MCCC2: variants seen among roughly 807,000 people sequenced by gnomAD.
The protein encoded by MCCC2 is methylcrotonoyl-CoA carboxylase beta chain, mitochondrial.
MCCC2 carries 52 observed loss-of-function variants against 77.2 expected under a neutral mutation model. The observed-to-expected ratio is 0.67, with a 90% CI of 0.54 to 0.85. The LOEUF is 0.85. Among genes scored for constraint, MCCC2 ranks in the 40% least tolerant of loss-of-function variants. The pLI is 0.00. For missense variants in MCCC2, 682 were observed against 703.2 expected, an observed-to-expected ratio of 0.97 and a Z score of 0.34; for synonymous variants, 253 against 248.4, an observed-to-expected ratio of 1.02 and a Z score of -0.18.
At chr5:71,602,397 G>GT (rs1452954048) in intron 4 of MCCC2, 109 bp from the exon 5 acceptor site, 33 of 1,356,888 alleles carry the variant, frequency 2.4e-5, no homozygotes, top group Non-Finnish European at 3.3e-5. Flanking sequence ...GATGTTAATA[G>GT]TGATACGTAC....
chr5:71,636,026 A>C, intron 10 of MCCC2: 1 of 275,242 alleles, frequency 3.6e-6, no homozygotes, highest in Non-Finnish European at 7.4e-6. Context: ...ATTTTTATGT[A>C]GTTGAGATAG....
intron 8 of MCCC2, among the ~76,000 whole-genome samples, chr5:71,633,232 G>C (rs1227488386): frequency 6.6e-6 from 1 of 150,614 alleles, no homozygotes; most frequent in African/African-American, 2.4e-5. Context: ...CCGAAGTGCT[G>C]GGATTACAGG....
rs760521639 is a variant in MCCC2 at position 71,656,826 on chromosome 5, T to C, written c.1658T>C (p.Ile553Thr). 10 of 1,614,092 alleles carry C rather than the reference T, an allele frequency of 6.2e-6. No homozygotes were observed. The highest frequency in any genetic ancestry group is 7.6e-6 in the Non-Finnish European group (9 of 1,179,926). Residue 553 changes from isoleucine (I) to threonine (T), a missense_variant, in exon 17 of 17, where the codon ATA becomes ACA. Coordinates refer to ENST00000340941, the MANE Select transcript of MCCC2 (RefSeq NM_022132.5). Reference protein sequence around the residue: ...LSFSAALNAPIEKTDFGIFRM With the variant: ...LSFSAALNAPTEKTDFGIFRM ...TTTAGTGCAGCCCTCAACGCACCAA[T>C]AGAGAAGACTGACTTCGGTATCTTC...
intron 6 of MCCC2, among the ~76,000 whole-genome samples, chr5:71,605,931 T>A (rs1198549608): frequency 1.3e-5 from 2 of 152,216 alleles, no homozygotes; most frequent in Non-Finnish European, 2.9e-5. Flanking sequence ...TCCATTGATC[T>A]ATATCTCTGT....
intron 1 of MCCC2, 86 bp from the exon 2 acceptor site, chr5:71,592,840 T>TTG: frequency 1.5e-6 from 1 of 661,194 alleles, no homozygotes; most frequent in Non-Finnish European, 2.3e-6. Context: ...AGACCACTGT[T>TTG]TTTTTTTTTT....
In MCCC2 at chr5:71,656,599, G is replaced by A. The variant is rs1376040671; in HGVS notation, c.1575-144G>A. The A allele has an allele frequency of 4.0e-6, 3 of 756,516 alleles. No homozygotes were observed. In the Admixed American group the frequency reaches 5.3e-5, roughly 13 times the overall value. 46.9% of individuals were successfully genotyped at this position (756,516 alleles called of 1,614,324 possible). ...CCCCTCTGTCTTGAACGTAGTTTCT[G>A]TTGTGAGATTATGGTACATGGATGC... On this transcript the variant is annotated intron_variant, in intron 16 of 16. Coordinates refer to ENST00000340941, the MANE Select transcript of MCCC2 (RefSeq NM_022132.5).
At position 71,658,027 on chromosome 5, in the gene MCCC2, A is replaced by T. The variant is rs1214311063; in HGVS notation, c.*1167A>T. The T allele has an allele frequency of 6.6e-6, 1 of 152,118 alleles. No homozygotes were observed. The highest frequency in any genetic ancestry group is 1.5e-5 in the Non-Finnish European group (1 of 68,048). The allele number at this position is 152,118 out of a possible 1,614,324, so 9.4% of individuals were successfully genotyped here. The stretch of plus-strand genomic sequence containing the variant: ...CTATCGCAGGCCTTAGAAGAGGTCT[A>T]CCTGCCTCCAGTCTTACCTAGTCCA... On this transcript the variant is annotated 3_prime_UTR_variant, in exon 17 of 17. Transcript: ENST00000340941.
At chr5:71,625,226 T>C (rs1445011300) in intron 6 of MCCC2, among the ~76,000 whole-genome samples, 1 of 152,234 alleles carries the variant, frequency 6.6e-6, no homozygotes, top group Non-Finnish European at 1.5e-5. Context: ...CTTGACTGTA[T>C]TTCTTTTTGG....
chr5:71,619,963 C>G (rs554428327), intron 6 of MCCC2, among the ~76,000 whole-genome samples: 2 of 151,772 alleles, frequency 1.3e-5, no homozygotes, highest in African/African-American at 4.8e-5. Context: ...TGCACTCCAG[C>G]CTGGGCGACA....
intron 10 of MCCC2, among the ~76,000 whole-genome samples, chr5:71,639,162 C>T (rs1747035252): frequency 6.6e-6 from 1 of 152,204 alleles, no homozygotes; most frequent in Non-Finnish European, 1.5e-5. Context: ...CTGCATTAGC[C>T]TTTAACGAGA....
intron 14 of MCCC2, 142 bp downstream of exon 14, chr5:71,649,395 G>A (rs1747371058): frequency 2.4e-6 from 2 of 839,202 alleles, no homozygotes; most frequent in Admixed American, 5.1e-5. Context: ...TCATTTGGAG[G>A]GGTGAAATGA....
rs375010821 is a variant in MCCC2 at position 71,649,122 on chromosome 5, A to G, written c.1242A>G (p.Glu414=). The G allele has an allele frequency of 2.5e-6, 4 of 1,614,128 alleles. No homozygotes were observed. Among genetic ancestry groups the G allele is most frequent in the Middle Eastern group, 1.6e-4 (1 of 6,084 alleles). The change falls in exon 14 of 17, where the codon GAA becomes GAG. Residue 414 remains glutamate (E), a synonymous_variant. Transcript: ENST00000340941. ...ITGFMVGREY[E]AEGIAKDGAK... is the part of the protein sequence containing the mutation. ...GATTTATGGTTGGTAGAGAGTATGA[A>G]GCTGAAGGAATTGCCAAGGATGGTG...
At chr5:71,593,368 G>A (rs1745056500) in intron 2 of MCCC2, among the ~76,000 whole-genome samples, 1 of 152,050 alleles carries the variant, frequency 6.6e-6, no homozygotes, top group Admixed American at 6.6e-5. Context: ...GCAATTATAG[G>A]CGTGAGCCAC....
chr5:71,618,222 G>A (rs1746232279), intron 6 of MCCC2, among the ~76,000 whole-genome samples: 2 of 152,180 alleles, frequency 1.3e-5, no homozygotes, highest in Admixed American at 6.5e-5. Flanking sequence ...TGCCATTGTG[G>A]TGATGTTAAA....
At chr5:71,632,590 G>T (rs1488066200) in intron 8 of MCCC2, among the ~76,000 whole-genome samples, 1 of 152,214 alleles carries the variant, frequency 6.6e-6, no homozygotes, top group Non-Finnish European at 1.5e-5. Context: ...TTACAAAGGA[G>T]AAGAGGGAAG....
chr5:71,607,092 A>T (rs933698606), intron 6 of MCCC2, among the ~76,000 whole-genome samples: 1 of 151,900 alleles, frequency 6.6e-6, no homozygotes, highest in Non-Finnish European at 1.5e-5. Context: ...TGGCCTCATA[A>T]AATGAGTTAG....
intron 6 of MCCC2, among the ~76,000 whole-genome samples, chr5:71,619,143 C>G (rs756273072): frequency 6.6e-6 from 1 of 152,220 alleles, no homozygotes; most frequent in African/African-American, 2.4e-5. Flanking sequence ...CCCTCCTCCT[C>G]CCCGCTTGCC....
At chr5:71,648,401 A>T (rs564922084) in intron 13 of MCCC2, among the ~76,000 whole-genome samples, 1 of 152,368 alleles carries the variant, frequency 6.6e-6, no homozygotes, top group East Asian at 1.9e-4. Context: ...GCTTGAAGAA[A>T]TAGAAGGATC....
intron 6 of MCCC2, among the ~76,000 whole-genome samples, chr5:71,613,976 T>G (rs1746062326): frequency 6.6e-6 from 1 of 151,092 alleles, no homozygotes; most frequent in Non-Finnish European, 1.5e-5. Flanking sequence ...CTAATTCATA[T>G]TATATAGTTC....
Sources: allele counts gnomAD v4.1 joint callset (sites outside exome capture counted in the v4.1 genomes callset), GRCh38; gene constraint gnomAD v4.1.1; transcripts MANE v1.5; gene names NCBI Gene and HGNC (gene_info 2026-07-23, HGNC 2026-07-21).